MYO3A: variants seen among roughly 807,000 people sequenced by gnomAD.
MYO3A encodes myosin-IIIa.
MYO3A carries 180 observed loss-of-function variants against 192.7 expected under a neutral mutation model. The ratio of observed to expected loss-of-function variants is 0.93; its 90% CI spans 0.83 to 1.06. MYO3A has a LOEUF of 1.06. Ranked by LOEUF, MYO3A falls within the 50% of genes least tolerant of loss-of-function variation. MYO3A has a pLI of 0.00. For missense variants in MYO3A, 1,896 were observed against 1,905.0 expected (o/e 1.00, Z 0.09); for synonymous variants, 628 against 645.3 (o/e 0.97, Z 0.41).
At chr10:26,146,087 G>C (rs1840447982) in intron 22 of MYO3A, among the ~76,000 whole-genome samples, 1 of 152,166 alleles carries the variant, frequency 6.6e-6, no homozygotes, top group Admixed American at 6.5e-5. Flanking sequence ...AGCTAAGCCA[G>C]ATGAATGGAT....
At chr10:26,105,928 A>G (rs1837771381) in intron 17 of MYO3A, among the ~76,000 whole-genome samples, 1 of 152,060 alleles carries the variant, frequency 6.6e-6, no homozygotes, top group African/African-American at 2.4e-5. Flanking sequence ...ATCCTATATT[A>G]AGGCCTTATA....
In MYO3A at chr10:25,996,559, C is replaced by CCTCTA; in HGVS notation, c.374_378dup (p.Ile127LeufsTer2). On this transcript the variant is annotated frameshift_variant, in exon 5 of 35. Coordinates refer to ENST00000642920, the MANE Select transcript of MYO3A (RefSeq NM_017433.5). LOFTEE classifies it high-confidence loss of function. Reference sequence around the variant, plus strand: ...GAAGAGGGGTGAAAGAATGAGTGAGCCTCTAATTGCCTATATTTTACATGA... The same window carrying CCTCTA: ...GAAGAGGGGTGAAAGAATGAGTGAGCCTCTACTCTAATTGCCTATATTTTACATGA... 1 of 1,613,674 alleles carries CCTCTA rather than the reference C, an allele frequency of 6.2e-7. No homozygotes were observed.
chr10:26,058,018 G>C, intron 10 of MYO3A, among the ~76,000 whole-genome samples: 1 of 152,144 alleles, frequency 6.6e-6, no homozygotes, highest in East Asian at 1.9e-4. Context: ...TTTACATTAA[G>C]ATTCACTATT....
chr10:26,096,656 T>C lies in MYO3A; in HGVS notation c.1750T>C (p.Phe584Leu). 3 of 1,589,026 alleles carry C rather than the reference T, an allele frequency of 1.9e-6. No homozygotes were observed. Among genetic ancestry groups the C allele is most frequent in the Non-Finnish European group, 2.6e-6 (3 of 1,157,152 alleles). ...KSQYELIEQCFKVIGFTMEQL... is the reference protein window; with the variant it reads ...KSQYELIEQCLKVIGFTMEQL... ...CCAGTATGAATTAATTGAGCAATGTTTCAAAGTCATAGGTTTTACAATGGA... is the reference window on the plus strand; with the variant it reads ...CCAGTATGAATTAATTGAGCAATGTCTCAAAGTCATAGGTTTTACAATGGA... Residue 584 changes from phenylalanine (F) to leucine (L), a missense_variant, in exon 17 of 35, where the codon TTC becomes CTC. Phe to Leu is a conservative substitution (Grantham distance 22). Coordinates refer to ENST00000642920, the MANE Select transcript of MYO3A (RefSeq NM_017433.5).
intron 10 of MYO3A, among the ~76,000 whole-genome samples, chr10:26,032,000 C>A (rs1368185704): frequency 1.3e-5 from 2 of 152,048 alleles, no homozygotes; most frequent in Non-Finnish European, 2.9e-5. Flanking sequence ...TCTTAAATTT[C>A]TTTTGTGTTT....
rs374444983 is a variant in MYO3A at position 26,166,031 on chromosome 10, T to C, written c.3000-36T>C. 9.0e-6 allele frequency: 14 copies of C among 1,550,290 alleles called. No homozygotes were observed. The African/African-American group carries it at 1.8e-4, about 20-fold the overall frequency. On this transcript the variant is annotated intron_variant, in intron 26 of 34. Transcript: ENST00000642920. ...CCAAGCTACAGAGATGTTGGCACTT[T>C]ATGCAATACTAACCAGCCCTTTTTT...
intron 10 of MYO3A, among the ~76,000 whole-genome samples, chr10:26,035,552 TC>T (rs1316189222): frequency 1.3e-5 from 2 of 152,102 alleles, no homozygotes; most frequent in Admixed American, 6.5e-5. Flanking sequence ...CATACCACTT[TC>T]CCCCCTGCCA....
chr10:26,015,339 C>G (rs1410971455), intron 6 of MYO3A, among the ~76,000 whole-genome samples: 1 of 152,026 alleles, frequency 6.6e-6, no homozygotes, highest in Non-Finnish European at 1.5e-5. Context: ...TGACTTATTC[C>G]TTTAGTTACT....
chr10:26,013,128 G>T (rs1053371722), intron 6 of MYO3A, among the ~76,000 whole-genome samples: 1 of 152,052 alleles, frequency 6.6e-6, no homozygotes, highest in African/African-American at 2.4e-5. Flanking sequence ...AGCAACTCAC[G>T]ATGGATCAAA....
At chr10:25,983,938 G>T (rs1322587438) in intron 4 of MYO3A, among the ~76,000 whole-genome samples, 1 of 152,186 alleles carries the variant, frequency 6.6e-6, no homozygotes, top group Non-Finnish European at 1.5e-5. Flanking sequence ...CAAACTCGAA[G>T]GGATTGAGGT....
chr10:25,989,858 G>A (rs990695883), intron 4 of MYO3A, among the ~76,000 whole-genome samples: 3 of 152,056 alleles, frequency 2.0e-5, no homozygotes, highest in Admixed American at 2.0e-4. Flanking sequence ...AAAGGAGGAG[G>A]CCCCGTATGT....
At chr10:25,966,977 C>A (rs1281939384) in intron 4 of MYO3A, among the ~76,000 whole-genome samples, 1 of 152,102 alleles carries the variant, frequency 6.6e-6, no homozygotes, top group African/African-American at 2.4e-5. Flanking sequence ...ACTACAATTA[C>A]CTCATCATTA....
chr10:26,077,234 T>TG (rs1491275036), intron 14 of MYO3A, among the ~76,000 whole-genome samples: 1 of 56,410 alleles, frequency 1.8e-5, no homozygotes, highest in African/African-American at 1.2e-4. Context: ...ATTCCTAAGG[T>TG]TTTTTTTTTT....
At chr10:26,119,044 TCTTC>T in intron 17 of MYO3A, among the ~76,000 whole-genome samples, 1 of 152,232 alleles carries the variant, frequency 6.6e-6, no homozygotes, top group South Asian at 2.1e-4. Flanking sequence ...CCCTCGTATG[TCTTC>T]CTTCTTTCCT....
chr10:26,093,129 A>T (rs1173352121), intron 15 of MYO3A, among the ~76,000 whole-genome samples: 1 of 152,192 alleles, frequency 6.6e-6, no homozygotes, highest in African/African-American at 2.4e-5. Flanking sequence ...AACTGATACA[A>T]ATGTGATCAT....
chr10:26,154,723 A>T, intron 24 of MYO3A, 23 bp from the exon 25 acceptor site: 1 of 1,601,774 alleles, frequency 6.2e-7, no homozygotes. Flanking sequence ...CCAAGGCATC[A>T]CTGTCTTCCT....
chr10:26,122,145 C>T (rs1838908751), intron 18 of MYO3A, among the ~76,000 whole-genome samples: 1 of 152,150 alleles, frequency 6.6e-6, no homozygotes, highest in African/African-American at 2.4e-5. Flanking sequence ...GAAGAGCTAG[C>T]AGCAGCCAAT....
intron 11 of MYO3A, among the ~76,000 whole-genome samples, chr10:26,068,111 A>G (rs987135015): frequency 2.0e-5 from 3 of 152,108 alleles, no homozygotes; most frequent in Non-Finnish European, 2.9e-5. Flanking sequence ...GTTTTCACTA[A>G]TCATGTTGTT....
At chr10:26,087,149 A>G (rs1239093863) in intron 14 of MYO3A, among the ~76,000 whole-genome samples, 1 of 152,194 alleles carries the variant, frequency 6.6e-6, no homozygotes, top group African/African-American at 2.4e-5. Context: ...CTGCTATTCA[A>G]TATATGCCAA....
Sources: allele counts gnomAD v4.1 joint callset (sites outside exome capture counted in the v4.1 genomes callset), GRCh38; gene constraint gnomAD v4.1.1; transcripts MANE v1.5; gene names NCBI Gene and HGNC (gene_info 2026-07-23, HGNC 2026-07-21).